Variants in C1orf105 observed in about 807,000 individuals in gnomAD.
C1orf105 encodes the protein chromosome 1 open reading frame 105.
In C1orf105, 17 loss-of-function variants were observed where a neutral mutation model predicts 20.8. That is an observed-to-expected ratio of 0.82 (90% CI 0.56 to 1.23). The LOEUF (loss-of-function observed/expected upper bound fraction) is 1.23, where lower values mean the gene tolerates loss of function less well. C1orf105 is among the 50% of genes most tolerant of loss of function. C1orf105 has a pLI of 0.00. For missense variants in C1orf105, 219 were observed against 213.5 expected (o/e 1.03, Z -0.16); for synonymous variants, 72 against 72.1 (o/e 1.00, Z 0.01).
intron 4 of C1orf105, among the ~76,000 whole-genome samples, 193 bp from the exon 5 acceptor site, chr1:172,461,985 T>C (rs1649727487): frequency 6.6e-6 from 1 of 152,194 alleles, no homozygotes. Flanking sequence ...GTATCTAATT[T>C]CAACTGATAT....
At chr1:172,437,939 C>A (rs921480941) in intron 1 of C1orf105, among the ~76,000 whole-genome samples, 2 of 151,982 alleles carry the variant, frequency 1.3e-5, no homozygotes, top group Non-Finnish European at 1.5e-5. Context: ...TTGTTAGGGG[C>A]TAATGTAGTT....
rs180968380 is a variant in C1orf105, at chr1:172,442,430, C to T, written c.22-2643C>T. 2 of 1,614,152 alleles carry T rather than the reference C, an allele frequency of 1.2e-6. No individual in the cohort carries two copies. The highest frequency in any genetic ancestry group is 1.3e-5 in the African/African-American group (1 of 75,030). On this transcript the variant is annotated intron_variant, in intron 1 of 6. Coordinates refer to ENST00000367727, the MANE Select transcript of C1orf105 (RefSeq NM_139240.4). ...CACCAGATAACCACAAAAACACAAA[C>T]ACTGCACAGCTGCTGGATCACCACA... is the stretch of plus-strand genomic sequence containing the variant.
In C1orf105 at chr1:172,468,606, T is replaced by G; in HGVS notation, c.*12T>G. 6.2e-7 allele frequency: 1 copy of G among 1,610,682 alleles called. No homozygotes were observed. Among genetic ancestry groups the G allele is most frequent in the South Asian group, 1.1e-5 (1 of 90,670 alleles). On this transcript the variant is annotated 3_prime_UTR_variant, in exon 7 of 7. Coordinates refer to ENST00000367727, the MANE Select transcript of C1orf105 (RefSeq NM_139240.4). ...CAACGAGGCAGTGAGCGGTAGGAGC[T>G]CATCACCTCCCAGACTCCCAGAGAG...
At chr1:172,435,775 G>A (rs11484605) in intron 1 of C1orf105, among the ~76,000 whole-genome samples, 66,685 of 152,034 alleles carry the variant, frequency 0.44, 17,539 homozygotes, top group East Asian at 0.63. Flanking sequence ...GAAATAAAGG[G>A]TATTCAATTA....
At chr1:172,434,464 C>A (rs1421295422) in intron 1 of C1orf105, among the ~76,000 whole-genome samples, 1 of 152,196 alleles carries the variant, frequency 6.6e-6, no homozygotes, top group Non-Finnish European at 1.5e-5. Flanking sequence ...TAAAGCCACA[C>A]AACTACATGG....
At chr1:172,451,867 C>CTTTTTTTTTT (rs11462736) in intron 3 of C1orf105, among the ~76,000 whole-genome samples, 7 of 85,196 alleles carry the variant, frequency 8.2e-5, no homozygotes, top group African/African-American at 9.6e-5. Flanking sequence ...TATATGGATT[C>CTTTTTTTTTT]TTTTTTTTTT....
At chr1:172,427,396 C>G (rs779994585) in intron 1 of C1orf105, among the ~76,000 whole-genome samples, 21 of 152,188 alleles carry the variant, frequency 1.4e-4, no homozygotes, top group Non-Finnish European at 2.8e-4. Context: ...CAACTCTCTA[C>G]CATTTCATTT....
rs749950443 is a variant in C1orf105, at chr1:172,442,030, T to G, written c.22-3043T>G. On this transcript the variant is annotated intron_variant, in intron 1 of 6. Transcript: ENST00000367727. ...GGCAAATGTCACCATGATGAAGGCA[T>G]GCAGGGACCGGGGAAGACGTGATGC... 17 of 1,614,212 alleles carry G rather than the reference T, an allele frequency of 1.1e-5. No homozygotes were observed. The South Asian group carries it at 1.9e-4, about 18-fold the overall frequency.
intron 1 of C1orf105, chr1:172,444,059 G>T: frequency 1.0e-6 from 1 of 999,240 alleles, no homozygotes. Context: ...GGGCGCCGGG[G>T]CTGCGACTGT....
intron 4 of C1orf105, among the ~76,000 whole-genome samples, chr1:172,456,838 C>G (rs147922216): frequency 6.6e-6 from 1 of 152,140 alleles, no homozygotes; most frequent in Non-Finnish European, 1.5e-5. Flanking sequence ...CACATAGGCT[C>G]ACACTCATTT....
At chr1:172,454,018 G>A (rs1210596855) in intron 3 of C1orf105, among the ~76,000 whole-genome samples, 2 of 152,132 alleles carry the variant, frequency 1.3e-5, no homozygotes, top group African/African-American at 2.4e-5. Context: ...ATGCACTTTG[G>A]GGATCTTGCA....
chr1:172,432,249 C>A (rs1160303918), intron 1 of C1orf105, among the ~76,000 whole-genome samples: 3 of 152,244 alleles, frequency 2.0e-5, no homozygotes, highest in Non-Finnish European at 2.9e-5. Context: ...GTTCTCCCAG[C>A]ACAGCATTTG....
intron 3 of C1orf105, among the ~76,000 whole-genome samples, chr1:172,449,865 G>A (rs1280079531): frequency 2.6e-5 from 4 of 152,144 alleles, no homozygotes; most frequent in South Asian, 2.1e-4. Flanking sequence ...TCATCAAGTC[G>A]CTGTGAACTT....
chr1:172,459,025 C>T (rs1649507471), intron 4 of C1orf105, among the ~76,000 whole-genome samples: 2 of 152,066 alleles, frequency 1.3e-5, no homozygotes, highest in Non-Finnish European at 2.9e-5. Flanking sequence ...CTTCCTCACA[C>T]CATGTACAAA....
chr1:172,437,077 G>A (rs915909370), intron 1 of C1orf105, among the ~76,000 whole-genome samples: 4 of 152,148 alleles, frequency 2.6e-5, no homozygotes, highest in Admixed American at 2.6e-4. Context: ...TCATTAAAAA[G>A]TCAGGAAACA....
At chr1:172,431,270 T>C (rs2071866254) in intron 1 of C1orf105, 1 of 439,046 alleles carries the variant, frequency 2.3e-6, no homozygotes, top group Admixed American at 4.0e-5. Context: ...AATAAAAAGT[T>C]ATTGAAGGAA....
intron 6 of C1orf105, 28 bp downstream of exon 6, chr1:172,465,391 T>A: frequency 6.6e-7 from 1 of 1,504,060 alleles, no homozygotes; most frequent in Non-Finnish European, 9.3e-7. Context: ...GTACTTATAG[T>A]GTGAAACACA....
At chr1:172,431,432 T>C (rs1413818064) in intron 1 of C1orf105, 1 of 217,692 alleles carries the variant, frequency 4.6e-6, no homozygotes, top group African/African-American at 2.3e-5. Context: ...TCTTCTCAAT[T>C]TAACAAAGGC....
Position 172,468,699 on chromosome 1 carries a change from A to G in C1orf105, c.*105A>G. On this transcript the variant is annotated 3_prime_UTR_variant, in exon 7 of 7. Transcript: ENST00000367727. ...CCTCACAATTTTCTCTCTTCTCCCAAAAGATGATTTAATTTTGCCTTCCTA... is the reference window on the plus strand; with the variant it reads ...CCTCACAATTTTCTCTCTTCTCCCAGAAGATGATTTAATTTTGCCTTCCTA... The G allele has an allele frequency of 7.7e-7, 1 of 1,297,400 alleles. No homozygotes were observed. The allele number at this position is 1,297,400 out of a possible 1,614,324, so 80.4% of individuals were successfully genotyped here. A position where few individuals can be genotyped will look rare whatever the true frequency, so the allele number is the denominator to read the frequency against.
Sources: gnomAD v4.1 joint callset for allele counts (sites outside exome capture counted in the v4.1 genomes callset) on GRCh38, gnomAD v4.1.1 for gene constraint, MANE v1.5 for transcripts, NCBI Gene and HGNC (gene_info 2026-07-23, HGNC 2026-07-21) for gene names.